Variants in RASAL2 observed in about 807,000 individuals in gnomAD.
RASAL2 encodes RAS protein activator like 2, also known as ras GTPase-activating protein nGAP.
Under a neutral mutation model 128.9 loss-of-function variants are expected in RASAL2, and 58 were observed. The observed-to-expected ratio is 0.45, with a 90% CI of 0.36 to 0.56. RASAL2 has a LOEUF of 0.56. Ranked by LOEUF, RASAL2 falls within the 20% of genes least tolerant of loss-of-function variation. RASAL2 has a pLI of 0.00. For synonymous variants in RASAL2, 561 were observed against 580.8 expected, an observed-to-expected ratio of 0.97 and a Z score of 0.49; for missense variants, 1,360 against 1,601.6, an observed-to-expected ratio of 0.85 and a Z score of 2.57.
chr1:178,105,340 T>A (rs149097342), intron 1 of RASAL2, among the ~76,000 whole-genome samples: 136 of 152,360 alleles, frequency 8.9e-4, no homozygotes, highest in African/African-American at 2.7e-3. Flanking sequence ...CTTTTACCAT[T>A]TAGCTGTTTA....
chr1:178,397,461 A>G (rs58393967), intron 4 of RASAL2, among the ~76,000 whole-genome samples: 1 of 152,190 alleles, frequency 6.6e-6, no homozygotes, highest in African/African-American at 2.4e-5. Flanking sequence ...AGTGTTTCTC[A>G]TGAGTTGGGT....
At chr1:178,352,670 C>T (rs1454972810) in intron 3 of RASAL2, among the ~76,000 whole-genome samples, 1 of 152,240 alleles carries the variant, frequency 6.6e-6, no homozygotes, top group Non-Finnish European at 1.5e-5. Context: ...CCACATTTGT[C>T]CTCTGCATTG....
At chr1:178,370,541 G>A (rs556694242) in intron 3 of RASAL2, among the ~76,000 whole-genome samples, 1 of 151,876 alleles carries the variant, frequency 6.6e-6, no homozygotes, top group Non-Finnish European at 1.5e-5. Flanking sequence ...TACCTTTTTC[G>A]ACAATTTTTA....
At chr1:178,344,001 T>C (rs547877941) in intron 3 of RASAL2, among the ~76,000 whole-genome samples, 2 of 152,154 alleles carry the variant, frequency 1.3e-5, no homozygotes, top group South Asian at 4.1e-4. Context: ...GGGAATAGAA[T>C]GGGTATAGTG....
intron 1 of RASAL2, among the ~76,000 whole-genome samples, chr1:178,161,444 A>G (rs1022317790): frequency 6.6e-6 from 1 of 152,218 alleles, no homozygotes; most frequent in Non-Finnish European, 1.5e-5. Context: ...TATAGCATGT[A>G]TCAATACTAT....
At chr1:178,351,902 C>T (rs1402981604) in intron 3 of RASAL2, among the ~76,000 whole-genome samples, 5 of 152,174 alleles carry the variant, frequency 3.3e-5, no homozygotes, top group African/African-American at 9.7e-5. Flanking sequence ...TGCCAGTGCT[C>T]ATTTAATTTT....
chr1:178,384,975 C>T (rs1435934115), intron 3 of RASAL2, among the ~76,000 whole-genome samples: 1 of 152,000 alleles, frequency 6.6e-6, no homozygotes, highest in Non-Finnish European at 1.5e-5. Flanking sequence ...GTAATTGATG[C>T]CTATAGATAT....
chr1:178,355,086 T>C (rs182671292), intron 3 of RASAL2, among the ~76,000 whole-genome samples: 231 of 152,338 alleles, frequency 1.5e-3, no homozygotes, highest in African/African-American at 5.4e-3. Context: ...ATCACACCCC[T>C]GCACTCCAGC....
intron 1 of RASAL2, among the ~76,000 whole-genome samples, chr1:178,207,340 T>G (rs1413937861): frequency 6.6e-6 from 1 of 152,072 alleles, no homozygotes; most frequent in African/African-American, 2.4e-5. Context: ...CAACCATGGA[T>G]TGAAGATATT....
chr1:178,232,389 C>T (rs1229350970), intron 1 of RASAL2, among the ~76,000 whole-genome samples: 1 of 152,088 alleles, frequency 6.6e-6, no homozygotes, highest in Non-Finnish European at 1.5e-5. Flanking sequence ...AATATTTTTC[C>T]AGCCAACTTA....
At chr1:178,411,164 G>C (rs2102702643) in intron 4 of RASAL2, among the ~76,000 whole-genome samples, 1 of 22,588 alleles carries the variant, frequency 4.4e-5, no homozygotes, top group Admixed American at 5.5e-4. Context: ...GTGTGTGTGT[G>C]TACACACACA....
Position 178,474,278 on chromosome 1 carries a change from T to G in RASAL2, c.*1039T>G, listed in dbSNP as rs1349647982. 2 of 152,614 alleles carry G rather than the reference T, an allele frequency of 1.3e-5. No homozygotes were observed. Among genetic ancestry groups the G allele is most frequent in the Admixed American group, 6.5e-5 (1 of 15,290 alleles). The allele number at this position is 152,614 out of a possible 1,614,324, so 9.5% of individuals were successfully genotyped here. On this transcript the variant is annotated 3_prime_UTR_variant, in exon 18 of 18. Coordinates refer to ENST00000367649, the MANE Select transcript of RASAL2 (RefSeq NM_170692.4). ...TCTCTGAATATTTCCTATTAAAAATTTTTTCTATGTGTTGTTATAATTTTT... is the reference window on the plus strand; with the variant it reads ...TCTCTGAATATTTCCTATTAAAAATGTTTTCTATGTGTTGTTATAATTTTT...
chr1:178,159,920 C>CA (rs200587472), intron 1 of RASAL2, among the ~76,000 whole-genome samples: 137 of 149,282 alleles, frequency 9.2e-4, no homozygotes, highest in African/African-American at 2.7e-3. Flanking sequence ...AACAAACAAA[C>CA]AAACAAAAAA....
intron 3 of RASAL2, among the ~76,000 whole-genome samples, chr1:178,318,024 T>G (rs1197197167): frequency 6.6e-6 from 1 of 150,476 alleles, no homozygotes; most frequent in Non-Finnish European, 1.5e-5. Flanking sequence ...AAGAACATCT[T>G]TATTTCTGCC....
intron 5 of RASAL2, among the ~76,000 whole-genome samples, chr1:178,428,570 A>G (rs1318840376): frequency 6.6e-6 from 1 of 151,396 alleles, no homozygotes; most frequent in Non-Finnish European, 1.5e-5. Flanking sequence ...CTCTATATAT[A>G]TATTCTACAT....
chr1:178,225,492 T>G (rs186165443), intron 1 of RASAL2, among the ~76,000 whole-genome samples: 41 of 152,090 alleles, frequency 2.7e-4, no homozygotes, highest in Admixed American at 5.2e-4. Context: ...TGGATTCCTT[T>G]CCATATACAT....
At chr1:178,144,230 C>T (rs1055021181) in intron 1 of RASAL2, among the ~76,000 whole-genome samples, 13 of 152,150 alleles carry the variant, frequency 8.5e-5, no homozygotes, top group African/African-American at 2.7e-4. Flanking sequence ...AAGTTGATCA[C>T]TTCCTCTCTT....
intron 1 of RASAL2, chr1:178,123,244 G>A (rs753534661): frequency 7.2e-5 from 11 of 152,136 alleles, no homozygotes; most frequent in Admixed American, 7.2e-4. Context: ...CATGTTATAC[G>A]TATTGCTCAC....
intron 1 of RASAL2, among the ~76,000 whole-genome samples, chr1:178,109,518 A>G (rs1345092213): frequency 6.6e-6 from 1 of 152,168 alleles, no homozygotes; most frequent in African/African-American, 2.4e-5. Flanking sequence ...TTTATAATTC[A>G]TAATTTATAT....
Sources: allele counts gnomAD v4.1 joint callset (sites outside exome capture counted in the v4.1 genomes callset), GRCh38; gene constraint gnomAD v4.1.1; transcripts MANE v1.5; gene names NCBI Gene and HGNC (gene_info 2026-07-23, HGNC 2026-07-21).